The following ASCC3 variants were observed in gnomAD, a reference collection of about 807,000 sequenced individuals.
The protein encoded by ASCC3 is activating signal cointegrator 1 complex subunit 3.
ASCC3 carries 158 observed loss-of-function variants against 256.3 expected under a neutral mutation model. That is an observed-to-expected ratio of 0.62 (90% CI 0.54 to 0.70). The LOEUF is 0.70. ASCC3 is among the 30% of genes least tolerant of loss of function. ASCC3 has a pLI of 0.00. For synonymous variants in ASCC3, 948 were observed against 883.4 expected (o/e 1.07, Z -1.30); for missense variants, 2,259 against 2,626.0 (o/e 0.86, Z 3.05).
intron 4 of ASCC3, among the ~76,000 whole-genome samples, chr6:100,833,769 AGGTG>A (rs1771737950): frequency 6.6e-6 from 1 of 152,184 alleles, no homozygotes; most frequent in South Asian, 2.1e-4. Flanking sequence ...CCGCAGTGAA[AGGTG>A]GCAGGACGCG....
At chr6:100,657,911 C>T (rs1444764711) in intron 16 of ASCC3, among the ~76,000 whole-genome samples, 1 of 151,468 alleles carries the variant, frequency 6.6e-6, no homozygotes, top group African/African-American at 2.4e-5. Context: ...TATTTGCTGT[C>T]ACCTAGTGGC....
chr6:100,715,541 A>G lies in ASCC3; in HGVS notation c.2080-8T>C. 6.2e-7 allele frequency: 1 copy of G among 1,604,684 alleles called. No homozygotes were observed. The highest frequency in any genetic ancestry group is 8.5e-7 in the Non-Finnish European group (1 of 1,173,470). ...GTTATTCAACTGCTGCATCTTGAAG[A>G]TTTTAAAACATAAAAAAAATCATGT... On this transcript the variant is annotated splice_polypyrimidine_tract_variant and splice_region_variant and intron_variant, in intron 12 of 41. Transcript: ENST00000369162.
chr6:100,671,882 G>C (rs867848686), intron 14 of ASCC3, among the ~76,000 whole-genome samples: 4 of 152,060 alleles, frequency 2.6e-5, no homozygotes, highest in Non-Finnish European at 5.9e-5. Context: ...GCAAGCAACT[G>C]AGGGTATTAC....
At chr6:100,771,543 A>AAC (rs1360326734) in intron 8 of ASCC3, among the ~76,000 whole-genome samples, 39 of 152,130 alleles carry the variant, frequency 2.6e-4, no homozygotes, top group African/African-American at 9.4e-4. Flanking sequence ...CGTAGAATAA[A>AAC]AAAACTCAAC....
At chr6:100,534,905 G>A (rs1252401157) in intron 37 of ASCC3, among the ~76,000 whole-genome samples, 2 of 152,086 alleles carry the variant, frequency 1.3e-5, no homozygotes, top group African/African-American at 4.8e-5. Context: ...TCTGGATGAT[G>A]GTGCAAATAA....
rs753834516 is a variant in ASCC3 at position 100,848,581 on chromosome 6, G to A, written c.368C>T (p.Pro123Leu). Residue 123 changes from proline (P) to leucine (L), a missense_variant, in exon 4 of 42, where the codon CCT becomes CTT. Transcript: ENST00000369162. ...ACAAGCTGCAGTGGCAGATGATGAA[G>A]GAAAGGGGCCAAACATCTGTTTGAT... is the stretch of plus-strand genomic sequence containing the variant. Reference protein sequence around the residue: ...KAIKQMFGPFPSSSATAACNA... With the variant: ...KAIKQMFGPFLSSSATAACNA... The A allele has an allele frequency of 1.2e-6, 2 of 1,613,994 alleles. No individual in the cohort carries two copies. The highest frequency in any genetic ancestry group is 1.3e-5 in the African/African-American group (1 of 74,936).
chr6:100,827,145 ATACT>A (rs1369003224), intron 4 of ASCC3, among the ~76,000 whole-genome samples: 2 of 152,234 alleles, frequency 1.3e-5, no homozygotes, highest in Non-Finnish European at 2.9e-5. Context: ...TAGTTGTATC[ATACT>A]TACTACCAAT....
chr6:100,597,290 T>G (rs970284449), intron 34 of ASCC3, among the ~76,000 whole-genome samples: 2 of 152,184 alleles, frequency 1.3e-5, no homozygotes, highest in African/African-American at 4.8e-5. Flanking sequence ...GCAAAAGTTT[T>G]TGTTTAGTTT....
intron 36 of ASCC3, among the ~76,000 whole-genome samples, chr6:100,578,184 T>C (rs1770978766): frequency 6.6e-6 from 1 of 151,976 alleles, no homozygotes; most frequent in Non-Finnish European, 1.5e-5. Flanking sequence ...AAGGCGAGAA[T>C]TCAGAGGATA....
chr6:100,781,110 T>G (rs1392514364), intron 8 of ASCC3, among the ~76,000 whole-genome samples: 1 of 152,178 alleles, frequency 6.6e-6, no homozygotes, highest in Non-Finnish European at 1.5e-5. Context: ...CCTCTGTGCT[T>G]GCTTCAGCTG....
intron 8 of ASCC3, among the ~76,000 whole-genome samples, chr6:100,792,430 C>G (rs146023788): frequency 6.6e-6 from 1 of 151,790 alleles, no homozygotes; most frequent in Non-Finnish European, 1.5e-5. Flanking sequence ...GGCCTACATG[C>G]TAATAAGACT....
At chr6:100,662,938 C>G (rs1314161014) in intron 14 of ASCC3, among the ~76,000 whole-genome samples, 2 of 152,002 alleles carry the variant, frequency 1.3e-5, no homozygotes, top group Non-Finnish European at 2.9e-5. Flanking sequence ...GGAAATCAAT[C>G]TCATCCCCTT....
At chr6:100,580,728 T>C (rs1206523961) in intron 36 of ASCC3, among the ~76,000 whole-genome samples, 11 of 141,124 alleles carry the variant, frequency 7.8e-5, no homozygotes, top group African/African-American at 2.3e-4. Flanking sequence ...GCTATCCTTC[T>C]CCCCTCCCCC....
chr6:100,640,061 G>A (rs1775043639), intron 24 of ASCC3, among the ~76,000 whole-genome samples: 1 of 152,098 alleles, frequency 6.6e-6, no homozygotes. Flanking sequence ...GTTGCAGTGA[G>A]CCCAGATCAT....
intron 36 of ASCC3, among the ~76,000 whole-genome samples, chr6:100,578,284 G>C (rs751156352): frequency 1.3e-5 from 2 of 151,966 alleles, no homozygotes; most frequent in Admixed American, 6.6e-5. Context: ...TTTAATTTTA[G>C]GTTCAGGGGT....
chr6:100,802,278 C>G (rs1256915425), intron 5 of ASCC3, among the ~76,000 whole-genome samples: 2 of 152,042 alleles, frequency 1.3e-5, no homozygotes, highest in Admixed American at 6.6e-5. Context: ...CAAAGTTATT[C>G]TGAAGAACTA....
chr6:100,628,105 A>C, intron 27 of ASCC3, 118 bp from the exon 28 acceptor site: 3 of 1,083,926 alleles, frequency 2.8e-6, no homozygotes, highest in Non-Finnish European at 4.0e-6. Context: ...AAAAAAAACA[A>C]AAAAAAAGCT....
At chr6:100,631,032 T>A in intron 26 of ASCC3, 96 bp downstream of exon 26, 1 of 853,262 alleles carries the variant, frequency 1.2e-6, no homozygotes, top group Non-Finnish European at 1.9e-6. Flanking sequence ...ACTATGAAAA[T>A]CACTGTAAAA....
Position 100,858,343 on chromosome 6 carries a change from G to C in ASCC3, c.241+5721C>G, listed in dbSNP as rs534199970. 22 of 296,702 alleles carry C rather than the reference G, an allele frequency of 7.4e-5. No homozygotes were observed. In the South Asian group the frequency reaches 2.3e-3, roughly 32 times the overall value. The allele number at this position is 296,702 out of a possible 1,614,324, so 18.4% of individuals were successfully genotyped here. A position where few individuals can be genotyped will look rare whatever the true frequency, so the allele number is the denominator to read the frequency against. On this transcript the variant is annotated intron_variant, in intron 3 of 41. Transcript: ENST00000369162. ...TTTCTTGCCATATTATGTTAGCAAG[G>C]ATTTTTAATACAGTGAGAAACAGAA...
Sources: allele counts gnomAD v4.1 joint callset (sites outside exome capture counted in the v4.1 genomes callset), GRCh38; gene constraint gnomAD v4.1.1; transcripts MANE v1.5; gene names NCBI Gene and HGNC (gene_info 2026-07-23, HGNC 2026-07-21).